Variants in ITPR1 observed in about 807,000 individuals in gnomAD.
ITPR1 encodes the protein inositol 1,4,5-trisphosphate-gated calcium channel ITPR1.
Under a neutral mutation model 318.4 loss-of-function variants are expected in ITPR1, and 96 were observed. The ratio of observed to expected loss-of-function variants is 0.30; its 90% CI spans 0.26 to 0.36. ITPR1 has a LOEUF of 0.36. Among genes scored for constraint, ITPR1 ranks in the 10% least tolerant of loss-of-function variants. The pLI, the probability that ITPR1 is intolerant of heterozygous loss-of-function variation, is 1.00. For missense variants in ITPR1, 2,440 were observed against 3,460.2 expected (o/e 0.71, Z 7.40); for synonymous variants, 1,312 against 1,289.9 (o/e 1.02, Z -0.37).
chr3:4,817,226 T>C (rs920237996), intron 59 of ITPR1, among the ~76,000 whole-genome samples: 42 of 152,194 alleles, frequency 2.8e-4, no homozygotes, highest in Admixed American at 2.7e-3. Flanking sequence ...CCCCGGTTCT[T>C]TTTACTGGAG....
chr3:4,753,192 C>G (rs1002495567), intron 44 of ITPR1, among the ~76,000 whole-genome samples: 3 of 151,998 alleles, frequency 2.0e-5, no homozygotes, highest in Non-Finnish European at 4.4e-5. Flanking sequence ...GGTGGTCGGT[C>G]AGGGGCAGAG....
intron 4 of ITPR1, among the ~76,000 whole-genome samples, chr3:4,563,457 T>C (rs1434143833): frequency 6.6e-6 from 1 of 152,080 alleles, no homozygotes; most frequent in Non-Finnish European, 1.5e-5. Context: ...TGCAGTGAGC[T>C]GGGATCATAC....
chr3:4,527,140 C>G (rs970808901), intron 4 of ITPR1, among the ~76,000 whole-genome samples: 1 of 152,096 alleles, frequency 6.6e-6, no homozygotes, highest in Non-Finnish European at 1.5e-5. Flanking sequence ...GTGTCGTAGC[C>G]AGAGCCCTCT....
chr3:4,696,301 A>T (rs2094557006), intron 33 of ITPR1, among the ~76,000 whole-genome samples: 1 of 152,192 alleles, frequency 6.6e-6, no homozygotes, highest in South Asian at 2.1e-4. Flanking sequence ...ATCCTAGGCA[A>T]CTGATTGTCT....
intron 44 of ITPR1, among the ~76,000 whole-genome samples, chr3:4,754,104 C>A (rs2044769265): frequency 6.6e-6 from 1 of 150,412 alleles, no homozygotes; most frequent in Non-Finnish European, 1.5e-5. Context: ...AAGTTGAATT[C>A]CCTGGGAACC....
intron 18 of ITPR1, 51 bp downstream of exon 18, chr3:4,667,600 C>T: frequency 6.5e-7 from 1 of 1,537,664 alleles, no homozygotes; most frequent in South Asian, 1.2e-5. Flanking sequence ...CTGTAAGATG[C>T]AGGGACTTAG....
chr3:4,730,924 A>C (rs1279677197), intron 42 of ITPR1, among the ~76,000 whole-genome samples: 1 of 152,156 alleles, frequency 6.6e-6, no homozygotes, highest in Admixed American at 6.5e-5. Flanking sequence ...GTCTCAGCCC[A>C]GCCATCTAGC....
In ITPR1 at chr3:4,777,278, C is replaced by A. The variant is rs1348949347; in HGVS notation, c.6195C>A (p.Thr2065=). Residue 2065 remains threonine (T), a synonymous_variant, in exon 48 of 62, where the codon ACC becomes ACA. Transcript: ENST00000649015. ...PCHENQNCIA[T]HESNGIDIIT... is the part of the protein sequence containing the mutation. ...TCTTTGCTCAGAACTGCATAGCCAC[C>A]CATGAATCCAATGGCATTGACATCA... 11 of 1,601,160 alleles carry A rather than the reference C, an allele frequency of 6.9e-6. No homozygotes were observed. The highest frequency in any genetic ancestry group is 9.4e-6 in the Non-Finnish European group (11 of 1,172,646).
intron 30 of ITPR1, 98 bp downstream of exon 30, chr3:4,685,304 G>A: frequency 8.1e-7 from 1 of 1,230,642 alleles, no homozygotes; most frequent in Non-Finnish European, 1.1e-6. Context: ...GTGAAGAAAT[G>A]CATCCAGTGT....
chr3:4,740,541 C>T (rs1005421661), intron 44 of ITPR1, among the ~76,000 whole-genome samples: 1 of 152,102 alleles, frequency 6.6e-6, no homozygotes, highest in African/African-American at 2.4e-5. Context: ...ATTATGAAAC[C>T]CTGTCATCCA....
In ITPR1 at chr3:4,779,530, C is replaced by A; in HGVS notation, c.6292-20C>A. 1.3e-6 allele frequency: 2 copies of A among 1,596,122 alleles called. No individual in the cohort carries two copies. Among genetic ancestry groups the A allele is most frequent in the South Asian group, 1.1e-5 (1 of 90,700 alleles). Reference sequence around the variant, plus strand: ...CAAGCAGCCCCTCTACATTTCCTCTCCCTTTGTTTCTCCAACTAGAACAAT... The same window carrying A: ...CAAGCAGCCCCTCTACATTTCCTCTACCTTTGTTTCTCCAACTAGAACAAT... On this transcript the variant is annotated intron_variant, in intron 48 of 61. Transcript: ENST00000649015. The surrounding 1 kb of genome is among the most constrained non-coding windows in gnomAD (Gnocchi z 4.0).
chr3:4,627,925 C>T, intron 5 of ITPR1, 47 bp downstream of exon 5: 1 of 1,157,580 alleles, frequency 8.6e-7, no homozygotes, highest in Non-Finnish European at 1.3e-6. Context: ...TGAGTGGCTG[C>T]CTTGGTGGTA....
At chr3:4,544,523 C>T (rs2084777939) in intron 4 of ITPR1, among the ~76,000 whole-genome samples, 1 of 152,194 alleles carries the variant, frequency 6.6e-6, no homozygotes, top group Non-Finnish European at 1.5e-5. Flanking sequence ...TATTGGCTTG[C>T]ATCTGAGAAG....
Position 4,702,963 on chromosome 3 carries a change from G to T in ITPR1, c.4657+13G>T. On this transcript the variant is annotated intron_variant, in intron 36 of 61. Coordinates refer to ENST00000649015, the MANE Select transcript of ITPR1 (RefSeq NM_001378452.1). ...CTGTCTGATGTAGGTAAGATACCAA[G>T]TCAGTTTGGATATACGTGATGAAAA... 1 of 1,612,996 alleles carries T rather than the reference G, an allele frequency of 6.2e-7. No homozygotes were observed. Among genetic ancestry groups the T allele is most frequent in the Non-Finnish European group, 8.5e-7 (1 of 1,179,072 alleles).
intron 4 of ITPR1, among the ~76,000 whole-genome samples, chr3:4,563,177 T>A (rs915654288): frequency 2.6e-5 from 4 of 152,162 alleles, no homozygotes; most frequent in African/African-American, 9.7e-5. Flanking sequence ...TATTGGTGTG[T>A]CTTGGCCCAT....
In ITPR1 at chr3:4,630,561, CATTATTATTATT is replaced by C. The variant is rs71053435; in HGVS notation, c.279+2711_279+2722del. Among the ~76,000 whole-genome samples, 484 of 138,710 alleles carry C rather than the reference CATTATTATTATT, an allele frequency of 3.5e-3. No homozygotes were observed. In the East Asian group the frequency reaches 0.035, roughly 10 times the overall value. The allele number at this position is 138,710 out of a possible 152,430, so 91.0% of individuals were successfully genotyped here. On this transcript the variant is annotated intron_variant, in intron 5 of 61. Coordinates refer to ENST00000649015, the MANE Select transcript of ITPR1 (RefSeq NM_001378452.1). ...TTTTTTTACTATTTTAAATTGTCCG[CATTATTATTATT>C]ATTATTATTATTATTATTATTATTA...
chr3:4,725,321 C>G (rs562479481), intron 40 of ITPR1, among the ~76,000 whole-genome samples: 1 of 152,096 alleles, frequency 6.6e-6, no homozygotes, highest in East Asian at 1.9e-4. Context: ...TGTGTTCCCC[C>G]ATCGCAGGTC....
intron 39 of ITPR1, among the ~76,000 whole-genome samples, chr3:4,713,719 T>C (rs535223037): frequency 1.6e-4 from 24 of 152,346 alleles, no homozygotes; most frequent in African/African-American, 5.5e-4. Flanking sequence ...GTAAATTATA[T>C]CACAGTTTTG....
At chr3:4,772,696 G>C (rs911177116) in intron 46 of ITPR1, among the ~76,000 whole-genome samples, 11 of 152,248 alleles carry the variant, frequency 7.2e-5, no homozygotes, top group Admixed American at 3.9e-4. Flanking sequence ...AAAAGGGCAG[G>C]ATTTCTCTAG....
Sources: allele counts gnomAD v4.1 joint callset (sites outside exome capture counted in the v4.1 genomes callset), GRCh38; gene constraint gnomAD v4.1.1; non-coding constraint Gnocchi (gnomAD v3.1); transcripts MANE v1.5; gene names NCBI Gene and HGNC (gene_info 2026-07-23, HGNC 2026-07-21).